Variants in HSF2BP observed in about 807,000 individuals in gnomAD.
HSF2BP encodes heat shock transcription factor 2 binding protein, also known as heat shock factor 2-binding protein.
In HSF2BP, 35 loss-of-function variants were observed where a neutral mutation model predicts 35.0. The ratio of observed to expected loss-of-function variants is 1.00; its 90% CI spans 0.76 to 1.32. The LOEUF (loss-of-function observed/expected upper bound fraction) is 1.32. HSF2BP is among the 40% of genes most tolerant of loss of function. The pLI is 0.00. For missense variants in HSF2BP, 326 were observed against 321.7 expected (o/e 1.01, Z -0.10); for synonymous variants, 114 against 117.4 (o/e 0.97, Z 0.18).
intron 6 of HSF2BP, among the ~76,000 whole-genome samples, chr21:43,625,333 C>G (rs762641557): frequency 6.6e-6 from 1 of 151,862 alleles, no homozygotes; most frequent in Non-Finnish European, 1.5e-5. Context: ...TGCTGGACAC[C>G]ATACAAGGCA....
intron 4 of HSF2BP, among the ~76,000 whole-genome samples, chr21:43,637,071 T>G (rs925791121): frequency 1.3e-5 from 2 of 151,912 alleles, no homozygotes; most frequent in Non-Finnish European, 2.9e-5. Context: ...GGCAGATCAC[T>G]TGGGGCCAGG....
At chr21:43,641,921 A>C (rs2082642056) in intron 4 of HSF2BP, among the ~76,000 whole-genome samples, 2 of 151,280 alleles carry the variant, frequency 1.3e-5, no homozygotes, top group Admixed American at 1.3e-4. Flanking sequence ...GTCTCAAAAA[A>C]AAAAAAAAAA....
the HSF2BP span, among the ~76,000 whole-genome samples, chr21:43,506,869 GACC>G: frequency 8.0e-6 from 1 of 125,540 alleles, no homozygotes; most frequent in Non-Finnish European, 1.8e-5. Context: ...CTCTCCAGAA[GACC>G]ACGACTCATC....
chr21:43,594,878 T>C (rs372154530), intron 7 of HSF2BP, among the ~76,000 whole-genome samples: 7 of 152,292 alleles, frequency 4.6e-5, no homozygotes, highest in Admixed American at 2.0e-4. Context: ...GATACTCCTA[T>C]TAAAAGGCAT....
intron 8 of HSF2BP, among the ~76,000 whole-genome samples, chr21:43,589,867 CACAA>C (rs1568892172): frequency 6.6e-6 from 1 of 152,004 alleles, no homozygotes; most frequent in Non-Finnish European, 1.5e-5. Flanking sequence ...AAACTCTCAC[CACAA>C]ACAGATACCA....
chr21:43,591,862 C>T (rs560799059), intron 8 of HSF2BP, among the ~76,000 whole-genome samples: 62 of 152,318 alleles, frequency 4.1e-4, no homozygotes, highest in Non-Finnish European at 8.8e-5. Flanking sequence ...ATATGCTATG[C>T]GCCCTTTAGG....
chr21:43,601,266 T>G (rs2082048406), intron 7 of HSF2BP, among the ~76,000 whole-genome samples: 1 of 152,128 alleles, frequency 6.6e-6, no homozygotes. Flanking sequence ...TAAGCTTCAC[T>G]GTGGCTTCAC....
intron 6 of HSF2BP, among the ~76,000 whole-genome samples, chr21:43,625,869 C>A (rs997576700): frequency 1.3e-5 from 2 of 152,192 alleles, no homozygotes; most frequent in Non-Finnish European, 2.9e-5. Flanking sequence ...GGCAACAGGG[C>A]GGCTTCACTC....
chr21:43,629,173 C>T (rs974961809), intron 6 of HSF2BP, among the ~76,000 whole-genome samples: 20 of 152,268 alleles, frequency 1.3e-4, no homozygotes, highest in African/African-American at 3.4e-4. Flanking sequence ...CATTTCATAA[C>T]GCTACAGCTG....
intron 6 of HSF2BP, among the ~76,000 whole-genome samples, chr21:43,623,565 T>A (rs992096293): frequency 4.6e-5 from 7 of 152,184 alleles, no homozygotes; most frequent in Admixed American, 3.9e-4. Flanking sequence ...CCAGAAGAGA[T>A]CTTGTAGACG....
intron 7 of HSF2BP, among the ~76,000 whole-genome samples, chr21:43,609,065 T>C (rs915061591): frequency 6.6e-6 from 1 of 152,210 alleles, no homozygotes; most frequent in Non-Finnish European, 1.5e-5. Context: ...ATGTGGTACA[T>C]ACAAGCCATG....
At chr21:43,603,255 G>A (rs1305758651) in intron 7 of HSF2BP, among the ~76,000 whole-genome samples, 1 of 152,160 alleles carries the variant, frequency 6.6e-6, no homozygotes, top group Non-Finnish European at 1.5e-5. Context: ...TCAGTGCCAG[G>A]ACAGCGCTCA....
At chr21:43,624,694 T>C (rs904067641) in intron 6 of HSF2BP, among the ~76,000 whole-genome samples, 2 of 152,204 alleles carry the variant, frequency 1.3e-5, no homozygotes, top group Non-Finnish European at 2.9e-5. Context: ...GCAATTATTA[T>C]CTAACATTAT....
intron 8 of HSF2BP, among the ~76,000 whole-genome samples, chr21:43,589,900 A>G (rs765777994): frequency 6.6e-6 from 1 of 152,228 alleles, no homozygotes; most frequent in African/African-American, 2.4e-5. Context: ...CAAATCATAT[A>G]CCTAAACGTG....
At chr21:43,467,876 ACACCACACACAC>A in the HSF2BP span, among the ~76,000 whole-genome samples, 58 of 115,046 alleles carry the variant, frequency 5.0e-4, no homozygotes, top group African/African-American at 1.9e-3. Context: ...CACACCAAAC[ACACCACACACAC>A]CACACACCAC....
intron 1 of HSF2BP, among the ~76,000 whole-genome samples, 160 bp from the exon 2 acceptor site, chr21:43,658,480 G>A (rs2082912755): frequency 6.6e-6 from 1 of 152,208 alleles, no homozygotes; most frequent in African/African-American, 2.4e-5. Flanking sequence ...TCCCTCGCTC[G>A]GATTCAGGCG....
Position 43,602,574 on chromosome 21 carries a change from A to G in HSF2BP, c.693-10246T>C, listed in dbSNP as rs144960621. 1.2e-3 allele frequency among the ~76,000 whole-genome samples: 187 copies of G among 152,340 alleles called. 1 individual carries two copies. Among genetic ancestry groups the G allele is most frequent in the African/African-American group, 4.3e-3 (178 of 41,576 alleles). The stretch of plus-strand genomic sequence containing the variant: ...AAGATGCTGGGCAGGATAAACCAAC[A>G]GTAACTTCGAGAAACAGGAACCACA... On this transcript the variant is annotated intron_variant, in intron 7 of 8. Transcript: ENST00000291560.
Position 43,597,809 on chromosome 21 carries a change from G to A in HSF2BP, c.693-5481C>T, listed in dbSNP as rs1192035655. On this transcript the variant is annotated intron_variant, in intron 7 of 8. Coordinates refer to ENST00000291560, the MANE Select transcript of HSF2BP (RefSeq NM_007031.2). The surrounding 1 kb of genome is among the most constrained non-coding windows in gnomAD (Gnocchi z 4.3). The stretch of plus-strand genomic sequence containing the variant: ...TGGGATTACAGGCATAAGCCATTGT[G>A]CCCAGCCCAAAATTTTAAATAAAGA... Among the ~76,000 whole-genome samples the A allele has an allele frequency of 6.6e-6, 1 of 152,138 alleles. No homozygotes were observed. The highest frequency in any genetic ancestry group is 1.5e-5 in the Non-Finnish European group (1 of 68,018).
At chr21:43,604,435 A>G (rs1288465107) in intron 7 of HSF2BP, among the ~76,000 whole-genome samples, 6 of 131,644 alleles carry the variant, frequency 4.6e-5, no homozygotes, top group African/African-American at 1.2e-4. Flanking sequence ...ACCACACCAC[A>G]CACACACCAC....
Sources: gnomAD v4.1 joint callset for allele counts (sites outside exome capture counted in the v4.1 genomes callset) on GRCh38, gnomAD v4.1.1 for gene constraint, Gnocchi (gnomAD v3.1) non-coding constraint, MANE v1.5 for transcripts, NCBI Gene and HGNC (gene_info 2026-07-23, HGNC 2026-07-21) for gene names.